Variants in GPHN observed in about 807,000 individuals in gnomAD.
GPHN encodes the protein gephyrin.
Under a neutral mutation model 95.5 loss-of-function variants are expected in GPHN, and 17 were observed. That is an observed-to-expected ratio of 0.18 (90% confidence interval 0.12 to 0.27). The LOEUF is 0.27. Among genes scored for constraint, GPHN ranks in the 10% least tolerant of loss-of-function variants. The pLI is 1.00. For synonymous variants in GPHN, 320 were observed against 322.5 expected, an observed-to-expected ratio of 0.99 and a Z score of 0.08; for missense variants, 660 against 978.1, an observed-to-expected ratio of 0.67 and a Z score of 4.34.
the GPHN span, among the ~76,000 whole-genome samples, chr14:67,656,823 G>C: frequency 6.6e-6 from 1 of 152,072 alleles, no homozygotes; most frequent in Non-Finnish European, 1.5e-5. Context: ...TTACACTTAC[G>C]CGAGGCAAGG....
At chr14:66,833,920 A>G (rs2061685622) in intron 4 of GPHN, among the ~76,000 whole-genome samples, 1 of 152,216 alleles carries the variant, frequency 6.6e-6, no homozygotes, top group Admixed American at 6.6e-5. Context: ...TGGAGAAATC[A>G]TAGTATCTCA....
intron 1 of GPHN, among the ~76,000 whole-genome samples, chr14:66,582,036 C>T (rs8009960): frequency 6.6e-5 from 10 of 152,030 alleles, no homozygotes; most frequent in African/African-American, 1.9e-4. Context: ...ATGTAACAGA[C>T]GTATATAGAG....
intron 11 of GPHN, among the ~76,000 whole-genome samples, chr14:67,064,602 A>G (rs1567280958): frequency 6.6e-6 from 1 of 152,186 alleles, no homozygotes; most frequent in Non-Finnish European, 1.5e-5. Context: ...TTATTGCCTC[A>G]ATTTCAGAGC....
chr14:66,682,782 A>T (rs1016310143), intron 2 of GPHN, among the ~76,000 whole-genome samples: 9 of 152,130 alleles, frequency 5.9e-5, no homozygotes, highest in Non-Finnish European at 1.2e-4. Flanking sequence ...TATTTGTAAG[A>T]TATGTTTTAG....
At chr14:67,476,724 G>A in the GPHN span, among the ~76,000 whole-genome samples, 3 of 152,208 alleles carry the variant, frequency 2.0e-5, no homozygotes, top group African/African-American at 7.2e-5. Context: ...AAATGGAAGA[G>A]CTGAGATTAG....
At chr14:67,203,886 A>T in the GPHN span, among the ~76,000 whole-genome samples, 158 of 152,164 alleles carry the variant, frequency 1.0e-3, no homozygotes, top group African/African-American at 3.6e-3. Context: ...TAATTTTTGT[A>T]TTTTCAGTAG....
intron 13 of GPHN, among the ~76,000 whole-genome samples, chr14:67,106,114 G>C (rs1283165348): frequency 2.0e-5 from 3 of 152,010 alleles, no homozygotes; most frequent in Non-Finnish European, 4.4e-5. Flanking sequence ...CTCCATTTTT[G>C]CTTGTCTGGG....
the GPHN span, chr14:67,204,492 C>T: frequency 6.5e-7 from 1 of 1,544,666 alleles, no homozygotes; most frequent in Non-Finnish European, 8.7e-7. Context: ...TTTTATAAGC[C>T]TCCCATCAGG....
intron 12 of GPHN, among the ~76,000 whole-genome samples, chr14:67,096,591 G>A (rs1190840872): frequency 2.0e-5 from 3 of 149,658 alleles, no homozygotes; most frequent in Non-Finnish European, 4.4e-5. Flanking sequence ...CATAATCTAA[G>A]TTATACAGAA....
At chr14:66,966,357 A>T (rs2069326163) in intron 9 of GPHN, among the ~76,000 whole-genome samples, 4 of 152,076 alleles carry the variant, frequency 2.6e-5, no homozygotes, top group Admixed American at 2.6e-4. Context: ...CAATGTTTCC[A>T]GTGTTACTGT....
the GPHN span, among the ~76,000 whole-genome samples, chr14:67,594,522 C>A: frequency 6.6e-6 from 1 of 152,058 alleles, no homozygotes; most frequent in Non-Finnish European, 1.5e-5. Flanking sequence ...TGGCACGTGC[C>A]TCTAGTCCCA....
Position 66,890,445 on chromosome 14 carries a change from C to T in GPHN, c.389+10412C>T, listed in dbSNP as rs1379925423. Among the ~76,000 whole-genome samples, 12 of 149,672 alleles carry T rather than the reference C, an allele frequency of 8.0e-5. No individual in the cohort carries two copies. In the South Asian group the frequency reaches 1.1e-3, roughly 13 times the overall value. On this transcript the variant is annotated intron_variant, in intron 5 of 22. Transcript: ENST00000478722. ...AAAAAAAAAAAACCTTTCTATCTTTCTATTTACAAAATACCAGGACCAGTT... is the reference window on the plus strand; with the variant it reads ...AAAAAAAAAAAACCTTTCTATCTTTTTATTTACAAAATACCAGGACCAGTT...
intron 10 of GPHN, among the ~76,000 whole-genome samples, chr14:67,043,127 T>C (rs1052665453): frequency 3.3e-5 from 5 of 152,234 alleles, no homozygotes; most frequent in Admixed American, 2.0e-4. Context: ...AAGGAGATTT[T>C]GGGCTGAGAC....
At chr14:67,644,594 T>C in the GPHN span, among the ~76,000 whole-genome samples, 1 of 152,220 alleles carries the variant, frequency 6.6e-6, no homozygotes, top group Non-Finnish European at 1.5e-5. Flanking sequence ...ACTGGGAAGC[T>C]TTCCAACATT....
chr14:66,510,325 A>G (rs1162939312), intron 1 of GPHN, among the ~76,000 whole-genome samples: 1 of 152,252 alleles, frequency 6.6e-6, no homozygotes, highest in Non-Finnish European at 1.5e-5. Context: ...AAGGCCATAG[A>G]TGTTTAAAAG....
At chr14:66,906,169 T>A (rs904244027) in intron 5 of GPHN, among the ~76,000 whole-genome samples, 3 of 152,182 alleles carry the variant, frequency 2.0e-5, no homozygotes, top group Admixed American at 2.0e-4. Context: ...CCAGGGAACC[T>A]GTGGGATGCA....
At chr14:67,438,091 C>T in the GPHN span, among the ~76,000 whole-genome samples, 1 of 152,142 alleles carries the variant, frequency 6.6e-6, no homozygotes, top group Non-Finnish European at 1.5e-5. Context: ...GCTGTCACCC[C>T]CCTCCCAATC....
At chr14:67,144,268 T>A (rs865834729) in intron 18 of GPHN, among the ~76,000 whole-genome samples, 5 of 105,822 alleles carry the variant, frequency 4.7e-5, no homozygotes, top group Non-Finnish European at 9.3e-5. Context: ...TATATATATA[T>A]ATATATATAT....
At chr14:67,146,987 G>C (rs7147207) in intron 18 of GPHN, among the ~76,000 whole-genome samples, 50,469 of 152,066 alleles carry the variant, frequency 0.33, 13,487 homozygotes, top group African/African-American at 0.72. Flanking sequence ...GAGCCAAGAT[G>C]GCGCCACTGC....
Sources: allele counts gnomAD v4.1 joint callset (sites outside exome capture counted in the v4.1 genomes callset), GRCh38; gene constraint gnomAD v4.1.1; transcripts MANE v1.5; gene names NCBI Gene and HGNC (gene_info 2026-07-23, HGNC 2026-07-21).